The following GPC5 variants were observed in gnomAD, a reference collection of about 807,000 sequenced individuals.
GPC5 encodes glypican 5.
Under a neutral mutation model 53.9 loss-of-function variants are expected in GPC5, and 47 were observed. The observed-to-expected ratio is 0.87, with a 90% CI of 0.69 to 1.11. The LOEUF (loss-of-function observed/expected upper bound fraction) is 1.11. Ranked by LOEUF, GPC5 falls within the 50% of genes most tolerant of loss-of-function variation. GPC5 has a pLI of 0.00. For missense variants in GPC5, 748 were observed against 713.1 expected, an observed-to-expected ratio of 1.05 and a Z score of -0.56; for synonymous variants, 286 against 263.3, an observed-to-expected ratio of 1.09 and a Z score of -0.84.
At chr13:92,044,444 T>G (rs2138828788) in intron 6 of GPC5, among the ~76,000 whole-genome samples, 1 of 152,228 alleles carries the variant, frequency 6.6e-6, no homozygotes, top group South Asian at 2.1e-4. Context: ...TCATCATAGG[T>G]GATGTCTCAA....
chr13:92,610,030 CA>C (rs56913637), intron 7 of GPC5, among the ~76,000 whole-genome samples: 12,242 of 69,600 alleles, frequency 0.18, 166 homozygotes, highest in Middle Eastern at 0.22. Context: ...GACTCCATCT[CA>C]AAAAAAAAAA....
chr13:92,408,455 C>T (rs1253276121), intron 7 of GPC5, among the ~76,000 whole-genome samples: 1 of 152,092 alleles, frequency 6.6e-6, no homozygotes, highest in East Asian at 1.9e-4. Context: ...TTTTCCTTTC[C>T]ATGAGAAGTT....
chr13:92,649,906 TGCTAG>T (rs1885898296), intron 7 of GPC5, among the ~76,000 whole-genome samples: 1 of 152,146 alleles, frequency 6.6e-6, no homozygotes. Context: ...AATTTAAAAA[TGCTAG>T]GCTAGGCAAG....
intron 5 of GPC5, among the ~76,000 whole-genome samples, chr13:91,799,592 A>G (rs1226803145): frequency 2.0e-5 from 3 of 152,160 alleles, no homozygotes; most frequent in Non-Finnish European, 2.9e-5. Context: ...AAAATGTTTT[A>G]TAGCAGGATC....
intron 6 of GPC5, among the ~76,000 whole-genome samples, chr13:92,116,551 A>C (rs183529207): frequency 9.2e-5 from 14 of 152,254 alleles, no homozygotes; most frequent in Non-Finnish European, 1.9e-4. Flanking sequence ...TCAAAAGACA[A>C]GTTTTCATTT....
chr13:92,729,370 T>C (rs148693379), intron 7 of GPC5, among the ~76,000 whole-genome samples: 61 of 151,514 alleles, frequency 4.0e-4, no homozygotes, highest in African/African-American at 1.2e-3. Context: ...TTAGTAGAAA[T>C]TGGGATGTGC....
At chr13:91,689,184 A>ATAT (rs2035689685) in intron 2 of GPC5, among the ~76,000 whole-genome samples, 1 of 49,590 alleles carries the variant, frequency 2.0e-5, no homozygotes, top group African/African-American at 6.7e-5. Context: ...ATCATATATA[A>ATAT]ATATATATAT....
chr13:91,974,480 C>T lies in GPC5; in HGVS notation c.1401+66423C>T, dbSNP rs1355108255. Reference sequence around the variant, plus strand: ...AGCATTCTTAGACACCAATAACAGACAAACAGAAAGCCAAATCATGAGTGA... The same window carrying T: ...AGCATTCTTAGACACCAATAACAGATAAACAGAAAGCCAAATCATGAGTGA... On this transcript the variant is annotated intron_variant, in intron 6 of 7. Transcript: ENST00000377067. 2.6e-5 allele frequency among the ~76,000 whole-genome samples: 4 copies of T among 151,676 alleles called. No individual in the cohort carries two copies. The East Asian group carries it at 7.7e-4, about 29-fold the overall frequency.
At chr13:92,285,844 G>C (rs563862705) in intron 7 of GPC5, among the ~76,000 whole-genome samples, 1 of 152,230 alleles carries the variant, frequency 6.6e-6, no homozygotes, top group African/African-American at 2.4e-5. Context: ...AGGACTTCAT[G>C]TTGAAACACT....
rs1160099099 is a variant in GPC5 at position 92,692,136 on chromosome 13, T to A, written c.1562-174146T>A. ...AATGAGAAATTACTGTATTTATCTA[T>A]CTGTTTCTGAGTTAGTTCACTTAGG... On this transcript the variant is annotated intron_variant, in intron 7 of 7. Coordinates refer to ENST00000377067, the MANE Select transcript of GPC5 (RefSeq NM_004466.6). Among the ~76,000 whole-genome samples the A allele has an allele frequency of 2.0e-5, 3 of 152,136 alleles. No individual in the cohort carries two copies. The East Asian group carries it at 5.8e-4, about 29-fold the overall frequency.
intron 7 of GPC5, among the ~76,000 whole-genome samples, chr13:92,529,018 G>GA (rs34424590): frequency 6.6e-6 from 1 of 151,786 alleles, no homozygotes; most frequent in African/African-American, 2.4e-5. Context: ...TTTTACATTG[G>GA]AAAAAAAGAT....
chr13:92,099,549 G>T (rs1329012066), intron 6 of GPC5, among the ~76,000 whole-genome samples: 1 of 151,934 alleles, frequency 6.6e-6, no homozygotes, highest in African/African-American at 2.4e-5. Context: ...TTTTTGCTTT[G>T]TGCCCTCTTG....
chr13:92,593,593 A>G (rs891007704), intron 7 of GPC5, among the ~76,000 whole-genome samples: 2 of 151,128 alleles, frequency 1.3e-5, no homozygotes, highest in Non-Finnish European at 3.0e-5. Context: ...ACTGAATTTT[A>G]TCAACAGAAA....
Position 92,645,445 on chromosome 13 carries a change from T to C in GPC5, c.1562-220837T>C, listed in dbSNP as rs78953361. On this transcript the variant is annotated intron_variant, in intron 7 of 7. Coordinates refer to ENST00000377067, the MANE Select transcript of GPC5 (RefSeq NM_004466.6). ...CTATAATTTAATATAAATGTAATCA[T>C]GCTTGAAGAAGCTTTTTAAATCTAA... Among the ~76,000 whole-genome samples the C allele has an allele frequency of 6.8e-3, 1,040 of 152,356 alleles. 12 individuals are homozygous for C. Among genetic ancestry groups the C allele is most frequent in the African/African-American group, 0.024 (990 of 41,584 alleles).
intron 3 of GPC5, among the ~76,000 whole-genome samples, chr13:91,727,979 T>C (rs1216129362): frequency 6.6e-6 from 1 of 152,120 alleles, no homozygotes; most frequent in Non-Finnish European, 1.5e-5. Flanking sequence ...AACACTGTAA[T>C]AACACCCTAA....
At chr13:92,122,828 T>G (rs1223760599) in intron 6 of GPC5, among the ~76,000 whole-genome samples, 1 of 151,378 alleles carries the variant, frequency 6.6e-6, no homozygotes, top group Non-Finnish European at 1.5e-5. Context: ...AAAAACCTTT[T>G]TTATCTTTCT....
chr13:91,748,658 A>T (rs1170604968), intron 4 of GPC5, among the ~76,000 whole-genome samples: 1 of 152,140 alleles, frequency 6.6e-6, no homozygotes, highest in Non-Finnish European at 1.5e-5. Flanking sequence ...ATACAGGGGG[A>T]TTATAATACT....
At chr13:91,784,279 T>A (rs1474983905) in intron 5 of GPC5, among the ~76,000 whole-genome samples, 1 of 152,102 alleles carries the variant, frequency 6.6e-6, no homozygotes, top group East Asian at 1.9e-4. Flanking sequence ...ATGAAAAAAA[T>A]TTGTATCAAA....
chr13:91,667,787 T>C (rs1314065777), intron 2 of GPC5, among the ~76,000 whole-genome samples: 1 of 151,922 alleles, frequency 6.6e-6, no homozygotes, highest in Non-Finnish European at 1.5e-5. Flanking sequence ...TCATGTGGAG[T>C]TGAGTTGGTC....
Sources: allele counts gnomAD v4.1 joint callset (sites outside exome capture counted in the v4.1 genomes callset), GRCh38; gene constraint gnomAD v4.1.1; transcripts MANE v1.5; gene names NCBI Gene and HGNC (gene_info 2026-07-23, HGNC 2026-07-21).